Variants in PROCR observed in about 807,000 individuals in gnomAD.
PROCR encodes the protein endothelial protein C receptor.
Under a neutral mutation model 24.2 loss-of-function variants are expected in PROCR, and 22 were observed. The ratio of observed to expected loss-of-function variants is 0.91; its 90% CI spans 0.65 to 1.30. The LOEUF is 1.30. Ranked by LOEUF, PROCR falls within the 50% of genes most tolerant of loss-of-function variation. The pLI, the probability that PROCR is intolerant of heterozygous loss-of-function variation, is 0.00. For missense variants in PROCR, 288 were observed against 307.7 expected, an observed-to-expected ratio of 0.94 and a Z score of 0.48; for synonymous variants, 137 against 139.2, an observed-to-expected ratio of 0.98 and a Z score of 0.11.
At chr20:35,187,477 G>T (rs2086138323) in intron 1 of PROCR, among the ~76,000 whole-genome samples, 1 of 152,198 alleles carries the variant, frequency 6.6e-6, no homozygotes, top group African/African-American at 2.4e-5. Context: ...TCTGACTTCT[G>T]ATCCTGAGCT....
intron 1 of PROCR, among the ~76,000 whole-genome samples, chr20:35,173,295 C>T (rs1237928340): frequency 1.3e-5 from 2 of 151,932 alleles, no homozygotes; most frequent in African/African-American, 4.8e-5. Context: ...CCGTGAGATA[C>T]ACACTAATAT....
In PROCR at chr20:35,198,283, C is replaced by T. The variant is rs558405365; in HGVS notation, c.95-17610C>T. Among the ~76,000 whole-genome samples, 1,352 of 138,190 alleles carry T rather than the reference C, an allele frequency of 9.8e-3. 15 individuals carry two copies. Among genetic ancestry groups the T allele is most frequent in the Admixed American group, 0.011 (143 of 12,714 alleles). 90.7% of individuals were successfully genotyped at this position (138,190 alleles called of 152,430 possible). A position where few individuals can be genotyped will look rare whatever the true frequency, so the allele number is the denominator to read the frequency against. The stretch of plus-strand genomic sequence containing the variant: ...CTCCAGCCTGGGTGACAGAGTGAGA[C>T]TCTGTCTCAAAAAAAAAAATTAAAA... On this transcript the variant is annotated intron_variant, in intron 1 of 1. Transcript: ENST00000634509.
chr20:35,195,448 C>T (rs1241537665), intron 1 of PROCR: 3 of 151,984 alleles, frequency 2.0e-5, no homozygotes, highest in Non-Finnish European at 4.4e-5. Context: ...TGTTTTTAAA[C>T]AATCAGACAC....
chr20:35,208,865 G>A (rs1436603274), intron 1 of PROCR, among the ~76,000 whole-genome samples: 8 of 152,092 alleles, frequency 5.3e-5, no homozygotes, highest in African/African-American at 9.7e-5. Context: ...CCAGCTACTC[G>A]GGAGGCTGAG....
At position 35,206,405 on chromosome 20, in the gene PROCR, G is replaced by T. The variant is rs189608172; in HGVS notation, c.95-9488G>T. ...CAGGACAATCACTTGAACCCGGGAG[G>T]CAGAGGTTGCAGTAAGCCAAGATGG... On this transcript the variant is annotated intron_variant, in intron 1 of 1. Coordinates refer to the PROCR transcript ENST00000634509. 2.1e-4 allele frequency among the ~76,000 whole-genome samples: 30 copies of T among 145,792 alleles called. No homozygotes were observed. The East Asian group carries it at 6.1e-3, about 30-fold the overall frequency.
chr20:35,198,212 A>G (rs2146170242), intron 1 of PROCR, among the ~76,000 whole-genome samples: 1 of 152,108 alleles, frequency 6.6e-6, no homozygotes, highest in South Asian at 2.1e-4. Flanking sequence ...GAATGGCGTG[A>G]ACCAGGGAGG....
At chr20:35,203,771 T>C (rs1428238552) in intron 1 of PROCR, among the ~76,000 whole-genome samples, 1 of 152,050 alleles carries the variant, frequency 6.6e-6, no homozygotes, top group Non-Finnish European at 1.5e-5. Flanking sequence ...TATCAAAATT[T>C]ATGGGTTGCA....
downstream of PROCR, among the ~76,000 whole-genome samples, chr20:35,182,350 G>T (rs1429753905): frequency 6.6e-6 from 1 of 152,070 alleles, no homozygotes; most frequent in Non-Finnish European, 1.5e-5. Context: ...GCCCAGGCTG[G>T]AATTGGTGGC....
chr20:35,181,056 C>T (rs996236485), downstream of PROCR, among the ~76,000 whole-genome samples: 3 of 150,274 alleles, frequency 2.0e-5, no homozygotes, highest in Non-Finnish European at 3.0e-5. Flanking sequence ...TTAGTAGAGT[C>T]GGGGTTTCAC....
chr20:35,205,617 G>A (rs1425880383), intron 1 of PROCR, among the ~76,000 whole-genome samples: 2 of 149,524 alleles, frequency 1.3e-5, no homozygotes, highest in South Asian at 2.1e-4. Context: ...CGGGTGTGGT[G>A]GTGCATGCTT....
chr20:35,192,982 A>C (rs1469347673), intron 1 of PROCR, among the ~76,000 whole-genome samples: 2 of 152,206 alleles, frequency 1.3e-5, no homozygotes, highest in Non-Finnish European at 1.5e-5. Flanking sequence ...ATATAAGTGA[A>C]TGTCACAAAT....
At chr20:35,203,645 A>G in intron 1 of PROCR, among the ~76,000 whole-genome samples, 1 of 152,170 alleles carries the variant, frequency 6.6e-6, no homozygotes, top group East Asian at 1.9e-4. Flanking sequence ...GAAAAAAAAG[A>G]GAACTCTCAA....
intron 1 of PROCR, among the ~76,000 whole-genome samples, chr20:35,210,716 T>C (rs1027976407): frequency 1.6e-5 from 2 of 127,740 alleles, no homozygotes; most frequent in Admixed American, 7.4e-5. Context: ...CTTTTTTCCA[T>C]TTTTTTTTTT....
intron 1 of PROCR, among the ~76,000 whole-genome samples, chr20:35,188,078 C>A (rs978492932): frequency 2.0e-5 from 3 of 152,152 alleles, no homozygotes; most frequent in Admixed American, 1.3e-4. Context: ...ACTGGATTCC[C>A]CATCTTTTAA....
At chr20:35,215,502 T>G (rs189116180) in intron 1 of PROCR, among the ~76,000 whole-genome samples, 57 of 152,198 alleles carry the variant, frequency 3.7e-4, no homozygotes, top group African/African-American at 1.3e-3. Context: ...CTTATCTTTT[T>G]TTTTTTTTTA....
In PROCR at chr20:35,185,259, A is replaced by T. The variant is rs1212698686; in HGVS notation, c.94+8813A>T. Among the ~76,000 whole-genome samples the T allele has an allele frequency of 3.9e-5, 6 of 152,212 alleles. No individual in the cohort carries two copies. The East Asian group carries it at 1.2e-3, about 29-fold the overall frequency. ...AGTAGACGTTGACGTGGATGCAGCA[A>T]TCAGGGAACACTTCTACACTGCTGG... On this transcript the variant is annotated intron_variant, in intron 1 of 1. Coordinates refer to the PROCR transcript ENST00000634509.
chr20:35,196,115 GA>G (rs2086214138), intron 1 of PROCR, among the ~76,000 whole-genome samples: 1 of 137,652 alleles, frequency 7.3e-6, no homozygotes. Flanking sequence ...CCAGGAGGCA[GA>G]GGTTGCAGTG....
intron 2 of PROCR, 30 bp downstream of exon 2, chr20:35,174,983 TGGGCGGGGCTAGTGG>T (rs765450907): frequency 7.6e-5 from 7 of 91,570 alleles, no homozygotes; most frequent in African/African-American, 4.8e-4. Flanking sequence ...GGGCGGGGTC[TGGGCGGGGCTAGTGG>T]GGGCGGGGCC....
rs2086025974 is a variant in PROCR at position 35,176,893 on chromosome 20, T to C, written c.*80T>C. On this transcript the variant is annotated 3_prime_UTR_variant, in exon 4 of 4. Transcript: ENST00000216968. Reference sequence around the variant, plus strand: ...GTTTCAGCTCACTGTGAAGCCAGACTCCCCAACTGAAACACCAGAAGGTTT... The same window carrying C: ...GTTTCAGCTCACTGTGAAGCCAGACCCCCCAACTGAAACACCAGAAGGTTT... 1.3e-6 allele frequency: 2 copies of C among 1,562,112 alleles called. No individual in the cohort carries two copies.
Sources: allele counts gnomAD v4.1 joint callset (sites outside exome capture counted in the v4.1 genomes callset), GRCh38; gene constraint gnomAD v4.1.1; transcripts MANE v1.5; gene names NCBI Gene and HGNC (gene_info 2026-07-23, HGNC 2026-07-21).